PRICKLE1: variants seen among roughly 807,000 people sequenced by gnomAD.
PRICKLE1 encodes the protein prickle planar cell polarity protein 1.
Under a neutral mutation model 70.2 loss-of-function variants are expected in PRICKLE1, and 14 were observed. The observed-to-expected ratio is 0.20, with a 90% CI of 0.13 to 0.31. The LOEUF is 0.31. PRICKLE1 is among the 10% of genes least tolerant of loss of function. The pLI, the probability that PRICKLE1 is intolerant of heterozygous loss-of-function variation, is 1.00. For missense variants in PRICKLE1, 821 were observed against 1,026.2 expected (o/e 0.80, Z 2.73); for synonymous variants, 357 against 379.9 (o/e 0.94, Z 0.70).
chr12:42,471,733 G>A (rs1308885562), intron 2 of PRICKLE1, among the ~76,000 whole-genome samples: 1 of 152,052 alleles, frequency 6.6e-6, no homozygotes, highest in South Asian at 2.1e-4. Context: ...TAATAATATC[G>A]CCAGTGATTT....
intron 5 of PRICKLE1, among the ~76,000 whole-genome samples, chr12:42,467,139 CAG>C (rs1566083202): frequency 6.6e-6 from 1 of 151,708 alleles, no homozygotes; most frequent in East Asian, 1.9e-4. Context: ...TTTTTTGAGA[CAG>C]AGTCTCGCTC....
At position 42,559,656 on chromosome 12, in the gene PRICKLE1, GC is replaced by G. The variant is rs1346877943; in HGVS notation, c.-49+29808del. ...TTTTTTGGGGGGGGTAGAGATGGGG[GC>G]CTCATTATATTGCCCAGCCTGATCT... On this transcript the variant is annotated intron_variant, in intron 1 of 7. Coordinates refer to ENST00000345127, the MANE Select transcript of PRICKLE1 (RefSeq NM_153026.3). Among the ~76,000 whole-genome samples the G allele has an allele frequency of 1.3e-3, 156 of 122,226 alleles. 1 individual carries two copies. Among genetic ancestry groups the G allele is most frequent in the East Asian group, 2.2e-3 (7 of 3,208 alleles). 80.2% of individuals were successfully genotyped at this position (122,226 alleles called of 152,430 possible). A position where few individuals can be genotyped will look rare whatever the true frequency, so the allele number is the denominator to read the frequency against.
chr12:42,533,851 A>G (rs1022614170), intron 1 of PRICKLE1, among the ~76,000 whole-genome samples: 43 of 152,094 alleles, frequency 2.8e-4, no homozygotes, highest in African/African-American at 1.0e-3. Context: ...GTGCCCTCAC[A>G]ACTCCCCTCC....
At chr12:42,572,498 G>A (rs145060357) in intron 1 of PRICKLE1, among the ~76,000 whole-genome samples, 252 of 151,728 alleles carry the variant, frequency 1.7e-3, no homozygotes, top group African/African-American at 5.6e-3. Flanking sequence ...TTAAAATAAC[G>A]TGCTTATAGC....
At chr12:42,469,416 C>G in intron 4 of PRICKLE1, 34 bp downstream of exon 4, 3 of 1,613,004 alleles carry the variant, frequency 1.9e-6, no homozygotes, top group Non-Finnish European at 2.5e-6. Context: ...CACATCACTG[C>G]CACAAGCTAC....
At chr12:42,573,228 A>G (rs781024800) in intron 1 of PRICKLE1, among the ~76,000 whole-genome samples, 6 of 152,202 alleles carry the variant, frequency 3.9e-5, no homozygotes, top group Non-Finnish European at 7.3e-5. Flanking sequence ...TATTAGAGCA[A>G]AATAACAGAA....
In PRICKLE1 at chr12:42,560,839, A is replaced by G. The variant is rs576983972; in HGVS notation, c.-49+28626T>C. 4.0e-5 allele frequency among the ~76,000 whole-genome samples: 6 copies of G among 151,722 alleles called. No homozygotes were observed. The South Asian group carries it at 6.3e-4, about 16-fold the overall frequency. On this transcript the variant is annotated intron_variant, in intron 1 of 7. Coordinates refer to ENST00000345127, the MANE Select transcript of PRICKLE1 (RefSeq NM_153026.3). ...ACACAAAACAAAAAACACATGCTCT[A>G]TTGGGAATTCTTATAATGTAATCAT...
chr12:42,527,333 A>T (rs11614536), intron 1 of PRICKLE1, among the ~76,000 whole-genome samples: 2 of 151,510 alleles, frequency 1.3e-5, no homozygotes, highest in Non-Finnish European at 2.9e-5. Flanking sequence ...GGGTTTTGCC[A>T]TGTTGGCCAG....
In PRICKLE1 at chr12:42,472,512, G is replaced by A; in HGVS notation, c.5C>T (p.Pro2Leu). The change falls in exon 2 of 8, where the codon CCT becomes CTT. Residue 2 changes from proline to leucine, a missense_variant. By Grantham distance (98) the Pro-to-Leu change is moderately conservative (BLOSUM62 -3). Coordinates refer to ENST00000345127, the MANE Select transcript of PRICKLE1 (RefSeq NM_153026.3). Reference sequence around the variant, plus strand: ...GCTCATCTTGGGCTCCATCTCCAAAGGCATAAAGTTTAAAGCCTGGTTTCT... The same window carrying A: ...GCTCATCTTGGGCTCCATCTCCAAAAGCATAAAGTTTAAAGCCTGGTTTCT... M[P>L]LEMEPKMSKL... 1 of 1,614,164 alleles carries A rather than the reference G, an allele frequency of 6.2e-7. No homozygotes were observed. Among genetic ancestry groups the A allele is most frequent in the Non-Finnish European group, 8.5e-7 (1 of 1,180,034 alleles).
chr12:42,509,917 A>G (rs1219690031), intron 1 of PRICKLE1, among the ~76,000 whole-genome samples: 2 of 151,648 alleles, frequency 1.3e-5, no homozygotes, highest in African/African-American at 4.8e-5. Flanking sequence ...TACTAAGAAT[A>G]CAAAAATTAG....
intron 1 of PRICKLE1, chr12:42,483,099 C>T (rs1221740212): frequency 6.6e-6 from 1 of 152,516 alleles, no homozygotes; most frequent in African/African-American, 2.4e-5. Flanking sequence ...CCCGAGAGAA[C>T]AGTGCCCCTT....
chr12:42,494,890 CTTTT>C (rs751252071), intron 1 of PRICKLE1, among the ~76,000 whole-genome samples: 1 of 131,058 alleles, frequency 7.6e-6, no homozygotes, highest in African/African-American at 2.8e-5. Flanking sequence ...TTCAGGTTTA[CTTTT>C]TTTTTTTTTT....
At chr12:42,571,530 G>A (rs1341800268) in intron 1 of PRICKLE1, among the ~76,000 whole-genome samples, 1 of 152,208 alleles carries the variant, frequency 6.6e-6, no homozygotes, top group Non-Finnish European at 1.5e-5. Context: ...CTTGTCTGAG[G>A]AAGCAGATGA....
rs76418969 is a variant in PRICKLE1, at chr12:42,507,215, G to A, written c.-48-34651C>T. ...TGCTGGGCAGCTGCTGTCTCCCTGC[G>A]TTCTGAGTGTTCATTAGTGTTCCGG... On this transcript the variant is annotated intron_variant, in intron 1 of 7. Transcript: ENST00000345127. 4.8e-3 allele frequency among the ~76,000 whole-genome samples: 734 copies of A among 152,228 alleles called. 4 individuals are homozygous for A. The highest frequency in any genetic ancestry group is 0.017 in the African/African-American group (702 of 41,520).
chr12:42,515,991 T>A (rs1044535431), intron 1 of PRICKLE1, among the ~76,000 whole-genome samples: 1 of 152,236 alleles, frequency 6.6e-6, no homozygotes, highest in African/African-American at 2.4e-5. Flanking sequence ...TCTCCTGCTA[T>A]TTAGATACTG....
chr12:42,475,189 G>T (rs1200366602), intron 1 of PRICKLE1, among the ~76,000 whole-genome samples: 4 of 152,174 alleles, frequency 2.6e-5, no homozygotes, highest in Admixed American at 2.6e-4. Context: ...ATTACACTGA[G>T]GATTGACTGT....
chr12:42,480,037 G>C (rs924884497), intron 1 of PRICKLE1, among the ~76,000 whole-genome samples: 1 of 152,038 alleles, frequency 6.6e-6, no homozygotes, highest in Non-Finnish European at 1.5e-5. Flanking sequence ...TTTAGCCTTC[G>C]GCTGATCATT....
rs553629021 is a variant in PRICKLE1 at position 42,495,821 on chromosome 12, G to A, written c.-48-23257C>T. ...TTGCTCAGGCTGGTCGCAAACTCCT[G>A]AGCTCAGGCAATCTGCCCACCTCGG... On this transcript the variant is annotated intron_variant, in intron 1 of 7. Coordinates refer to ENST00000345127, the MANE Select transcript of PRICKLE1 (RefSeq NM_153026.3). Among the ~76,000 whole-genome samples the A allele has an allele frequency of 1.7e-4, 26 of 152,222 alleles. No homozygotes were observed. In the South Asian group the frequency reaches 5.4e-3, roughly 32 times the overall value.
chr12:42,499,275 T>A (rs2708041), intron 1 of PRICKLE1, among the ~76,000 whole-genome samples: 1 of 152,062 alleles, frequency 6.6e-6, no homozygotes, highest in Non-Finnish European at 1.5e-5. Context: ...AAGGAGCCTA[T>A]ATTCAAACCT....
Sources: allele counts gnomAD v4.1 joint callset (sites outside exome capture counted in the v4.1 genomes callset), GRCh38; gene constraint gnomAD v4.1.1; transcripts MANE v1.5; gene names NCBI Gene and HGNC (gene_info 2026-07-23, HGNC 2026-07-21).